PCDHGA2: variants seen among roughly 807,000 people sequenced by gnomAD.
PCDHGA2 encodes protocadherin gamma subfamily A, 2.
In PCDHGA2, 40 loss-of-function variants were observed where a neutral mutation model predicts 59.2. The ratio of observed to expected loss-of-function variants is 0.68; its 90% CI spans 0.52 to 0.88. PCDHGA2 has a LOEUF of 0.88. PCDHGA2 is among the 40% of genes least tolerant of loss of function. The pLI is 0.00. For synonymous variants in PCDHGA2, 560 were observed against 526.0 expected (o/e 1.06, Z -0.89); for missense variants, 1,226 against 1,204.0 (o/e 1.02, Z -0.27).
intron 1 of PCDHGA2, among the ~76,000 whole-genome samples, chr5:141,467,008 A>AT (rs1165146249): frequency 6.7e-6 from 1 of 150,270 alleles, no homozygotes; most frequent in Non-Finnish European, 1.5e-5. Context: ...TTGCAATGCA[A>AT]TTTTTTTCCC....
intron 1 of PCDHGA2, chr5:141,400,386 A>G (rs766907172): frequency 5.0e-6 from 8 of 1,614,040 alleles, no homozygotes; most frequent in Non-Finnish European, 5.1e-6. Context: ...TATGTGTTGC[A>G]CATACAGGAA....
intron 1 of PCDHGA2, chr5:141,350,941 C>CCGAGTTA: frequency 6.2e-7 from 1 of 1,614,076 alleles, no homozygotes; most frequent in Non-Finnish European, 8.5e-7. Context: ...ATATCTGGAT[C>CCGAGTTA]CGAGTTACGG....
chr5:141,489,267 C>A lies in PCDHGA2; in HGVS notation c.2425-5540C>A. On this transcript the variant is annotated intron_variant, in intron 1 of 3. Transcript: ENST00000394576. This position sits in a 1 kb window ranked among gnomAD's most constrained non-coding sequence, Gnocchi z 4.5. ...TGGGGCCCAAGACACTCCCACAGCT[C>A]GCTGGGAAATGGCAAGTGCTGTGCA... is the stretch of plus-strand genomic sequence containing the variant. 1 of 1,553,300 alleles carries A rather than the reference C, an allele frequency of 6.4e-7. No homozygotes were observed. The highest frequency in any genetic ancestry group is 8.7e-7 in the Non-Finnish European group (1 of 1,149,864).
intron 1 of PCDHGA2, chr5:141,345,141 G>C (rs1327084962): frequency 1.2e-6 from 2 of 1,613,838 alleles, no homozygotes; most frequent in African/African-American, 1.3e-5. Context: ...TGCTCTTATC[G>C]ACGTGCATGA....
In PCDHGA2 at chr5:141,423,579, G is replaced by A. The variant is rs760902886; in HGVS notation, c.2425-71228G>A. 6 of 1,613,378 alleles carry A rather than the reference G, an allele frequency of 3.7e-6. No homozygotes were observed. In the East Asian group the frequency reaches 1.3e-4, roughly 36 times the overall value. ...ATGGGGACACGCTCATCAGCCAGGA[G>A]AGCTGTGAGAAAAGCGAGCCACTCT... On this transcript the variant is annotated intron_variant, in intron 1 of 3. Transcript: ENST00000394576.
chr5:141,374,979 G>A (rs777674539), intron 1 of PCDHGA2: 31 of 1,613,984 alleles, frequency 1.9e-5, no homozygotes, highest in Non-Finnish European at 2.5e-5. Flanking sequence ...GTTTTGACTG[G>A]AGAAATTTCA....
chr5:141,400,345 A>C lies in PCDHGA2; in HGVS notation c.2424+58950A>C, dbSNP rs757500171. On this transcript the variant is annotated intron_variant, in intron 1 of 3. Transcript: ENST00000394576. ...TGGACCTGTGGTTCCCCCCAACTACAGTCAGGGGACTTTGCCTTATTCCTA... is the reference window on the plus strand; with the variant it reads ...TGGACCTGTGGTTCCCCCCAACTACCGTCAGGGGACTTTGCCTTATTCCTA... 1.9e-6 allele frequency: 3 copies of C among 1,614,040 alleles called. No homozygotes were observed. In the South Asian group the frequency reaches 3.3e-5, roughly 18 times the overall value.
chr5:141,356,029 G>T, intron 1 of PCDHGA2: 1 of 1,613,954 alleles, frequency 6.2e-7, no homozygotes, highest in South Asian at 1.1e-5. Flanking sequence ...CAATGGAGAC[G>T]TGACGTATTC....
intron 1 of PCDHGA2, chr5:141,352,628 G>A (rs1243952767): frequency 2.5e-6 from 4 of 1,611,516 alleles, no homozygotes; most frequent in East Asian, 2.2e-5. Flanking sequence ...TGCCAGTAAT[G>A]AAGATCACAA....
In PCDHGA2 at chr5:141,489,117, T is replaced by A; in HGVS notation, c.2425-5690T>A. On this transcript the variant is annotated intron_variant, in intron 1 of 3. Coordinates refer to ENST00000394576, the MANE Select transcript of PCDHGA2 (RefSeq NM_018915.4). The surrounding 1 kb of genome is among the most constrained non-coding windows in gnomAD (Gnocchi z 4.5). ...AAGAACTGCTGCAAGCAGGCAAACCTCCGAGCAGTTTTTAAGAGGCTGGAA... is the reference window on the plus strand; with the variant it reads ...AAGAACTGCTGCAAGCAGGCAAACCACCGAGCAGTTTTTAAGAGGCTGGAA... The A allele has an allele frequency of 1.4e-5, 5 of 370,102 alleles. No homozygotes were observed. The highest frequency in any genetic ancestry group is 2.3e-5 in the Non-Finnish European group (5 of 214,436). 22.9% of individuals were successfully genotyped at this position (370,102 alleles called of 1,614,324 possible).
At chr5:141,348,606 C>T (rs1758149424) in intron 1 of PCDHGA2, among the ~76,000 whole-genome samples, 1 of 152,114 alleles carries the variant, frequency 6.6e-6, no homozygotes, top group Non-Finnish European at 1.5e-5. Flanking sequence ...GTATGGAACC[C>T]ATACAATTCC....
In PCDHGA2 at chr5:141,350,943, G is replaced by C. The variant is rs542251559; in HGVS notation, c.2424+9548G>C. The C allele has an allele frequency of 3.7e-6, 6 of 1,614,070 alleles. No homozygotes were observed. In the African/African-American group the frequency reaches 5.3e-5, roughly 14 times the overall value. On this transcript the variant is annotated intron_variant, in intron 1 of 3. Transcript: ENST00000394576. ...AGCGGCACCACCCATATCTGGATCC[G>C]AGTTACGGATGCCAATGATAATGCT...
intron 1 of PCDHGA2, among the ~76,000 whole-genome samples, chr5:141,472,274 G>A (rs1170341842): frequency 6.6e-6 from 1 of 152,176 alleles, no homozygotes; most frequent in Admixed American, 6.5e-5. Flanking sequence ...GGGCACAGTG[G>A]CTCACACCTG....
Position 141,387,642 on chromosome 5 carries a change from C to G in PCDHGA2, c.2424+46247C>G, listed in dbSNP as rs554256672. The G allele has an allele frequency of 4.8e-6, 3 of 622,368 alleles. No homozygotes were observed. In the Admixed American group the frequency reaches 1.0e-4, roughly 21 times the overall value. The allele number at this position is 622,368 out of a possible 1,614,324, so 38.6% of individuals were successfully genotyped here. A position where few individuals can be genotyped will look rare whatever the true frequency, so the allele number is the denominator to read the frequency against. On this transcript the variant is annotated intron_variant, in intron 1 of 3. Transcript: ENST00000394576. Reference sequence around the variant, plus strand: ...TGCTGACTCTGGGCGCCGCTGTTGGCCAAAGTGGAGAGCTTGGCGCTCCAG... The same window carrying G: ...TGCTGACTCTGGGCGCCGCTGTTGGGCAAAGTGGAGAGCTTGGCGCTCCAG...
intron 1 of PCDHGA2, among the ~76,000 whole-genome samples, chr5:141,463,505 G>A (rs1213601894): frequency 7.3e-6 from 1 of 137,472 alleles, no homozygotes; most frequent in Non-Finnish European, 1.5e-5. Flanking sequence ...CTGGAGTGAC[G>A]TGGCGTGATC....
intron 1 of PCDHGA2, chr5:141,371,384 T>C: frequency 2.5e-6 from 4 of 1,613,984 alleles, no homozygotes; most frequent in Non-Finnish European, 3.4e-6. Flanking sequence ...ACACTGCATA[T>C]TGTAAAGTAC....
intron 1 of PCDHGA2, chr5:141,399,347 A>G: frequency 6.2e-7 from 1 of 1,613,926 alleles, no homozygotes. Flanking sequence ...GGAACCCTAG[A>G]CCGAGAGCAA....
chr5:141,360,432 G>A lies in PCDHGA2; in HGVS notation c.2424+19037G>A, dbSNP rs753356248. Reference sequence around the variant, plus strand: ...ACCGAGAACAGATATGCGGGAAGCAGCCTCTGTGTGTTCTGGATTTCGATA... The same window carrying A: ...ACCGAGAACAGATATGCGGGAAGCAACCTCTGTGTGTTCTGGATTTCGATA... On this transcript the variant is annotated intron_variant, in intron 1 of 3. Coordinates refer to ENST00000394576, the MANE Select transcript of PCDHGA2 (RefSeq NM_018915.4). 45 of 1,613,876 alleles carry A rather than the reference G, an allele frequency of 2.8e-5. No homozygotes were observed. In the Admixed American group the frequency reaches 6.8e-4, roughly 25 times the overall value.
chr5:141,453,609 G>A (rs1208329212), intron 1 of PCDHGA2, among the ~76,000 whole-genome samples: 3 of 151,900 alleles, frequency 2.0e-5, no homozygotes, highest in South Asian at 4.2e-4. Context: ...TTTGCAAAAC[G>A]CAAAAACAAA....
Sources: gnomAD v4.1 joint callset for allele counts (sites outside exome capture counted in the v4.1 genomes callset) on GRCh38, gnomAD v4.1.1 for gene constraint, Gnocchi (gnomAD v3.1) non-coding constraint, MANE v1.5 for transcripts, NCBI Gene and HGNC (gene_info 2026-07-23, HGNC 2026-07-21) for gene names.